Variants in RIPOR2 observed in about 807,000 individuals in gnomAD.
The protein encoded by RIPOR2 is RHO family interacting cell polarization regulator 2.
RIPOR2 carries 39 observed loss-of-function variants against 114.5 expected under a neutral mutation model. The ratio of observed to expected loss-of-function variants is 0.34; its 90% CI spans 0.26 to 0.44. The LOEUF (loss-of-function observed/expected upper bound fraction) is 0.44. Among genes scored for constraint, RIPOR2 ranks in the 20% least tolerant of loss-of-function variants. The pLI is 1.00. For synonymous variants in RIPOR2, 445 were observed against 484.4 expected (o/e 0.92, Z 1.07); for missense variants, 1,007 against 1,255.1 (o/e 0.80, Z 2.99).
chr6:24,843,025 T>C lies in RIPOR2; in HGVS notation c.1694A>G (p.Glu565Gly). 1.2e-6 allele frequency: 2 copies of C among 1,608,144 alleles called. No homozygotes were observed. Among genetic ancestry groups the C allele is most frequent in the Non-Finnish European group, 1.7e-6 (2 of 1,175,682 alleles). ...TTCAGATTCTCCACCAACAGAACCC[T>C]CAGAGAGCAGCCTGTCTGTGGCCAT... The part of the protein sequence containing the change: ...VPMATDRLLS[E>G]GSVGGESEGC... Residue 565 changes from glutamate to glycine, a missense_variant, in exon 13 of 22, where the codon GAG (glutamate) becomes GGG (glycine). Glu to Gly is a moderately conservative substitution (Grantham distance 98). Coordinates refer to ENST00000643898, the MANE Select transcript of RIPOR2 (RefSeq NM_001286445.3).
chr6:24,880,982 G>A (rs958681939), intron 1 of RIPOR2, among the ~76,000 whole-genome samples: 8 of 152,188 alleles, frequency 5.3e-5, no homozygotes, highest in Non-Finnish European at 1.0e-4. Flanking sequence ...AGTGGCTCAC[G>A]CCTGTAATCC....
intron 1 of RIPOR2, chr6:25,023,429 T>G: frequency 1.3e-6 from 1 of 767,172 alleles, no homozygotes; most frequent in South Asian, 1.3e-5. Context: ...CACCCGGCCC[T>G]TGAGGACGGA....
chr6:24,837,274 C>A (rs1277895158), intron 14 of RIPOR2, among the ~76,000 whole-genome samples: 1 of 152,088 alleles, frequency 6.6e-6, no homozygotes, highest in Non-Finnish European at 1.5e-5. Flanking sequence ...AGGCGTACAC[C>A]ACCATGCCTG....
chr6:24,915,471 C>A (rs1415961811), intron 1 of RIPOR2, among the ~76,000 whole-genome samples: 5 of 152,084 alleles, frequency 3.3e-5, no homozygotes, highest in Non-Finnish European at 7.4e-5. Flanking sequence ...TCTCCTGCCT[C>A]ACCTTCCCAA....
chr6:24,976,690 C>T (rs538490074), intron 1 of RIPOR2: 103 of 1,607,696 alleles, frequency 6.4e-5, no homozygotes, highest in African/African-American at 2.0e-4. Flanking sequence ...TGACTTCACA[C>T]GCCATAATGG....
chr6:24,979,660 C>T (rs1381379088), intron 1 of RIPOR2, among the ~76,000 whole-genome samples: 1 of 152,130 alleles, frequency 6.6e-6, no homozygotes, highest in Non-Finnish European at 1.5e-5. Flanking sequence ...CATGTTGGGA[C>T]CCAGAGCCAA....
intron 1 of RIPOR2, among the ~76,000 whole-genome samples, chr6:24,905,623 A>G (rs1463129590): frequency 6.6e-6 from 1 of 152,258 alleles, no homozygotes; most frequent in Non-Finnish European, 1.5e-5. Flanking sequence ...GCCAAAGCCA[A>G]GTCATTCCAG....
chr6:24,839,168 C>T lies in RIPOR2; in HGVS notation c.1962G>A (p.Glu654=). The T allele has an allele frequency of 1.9e-6, 3 of 1,551,754 alleles. No individual in the cohort carries two copies. In the South Asian group the frequency reaches 3.6e-5, roughly 18 times the overall value. Residue 654 remains glutamate (E), a synonymous_variant, in exon 14 of 22, where the codon GAG becomes GAA. Coordinates refer to ENST00000643898, the MANE Select transcript of RIPOR2 (RefSeq NM_001286445.3). ...CATTACAAACCTCATCACCATCCTC[C>T]TCCTCGTCAAAATCAGAGGTGTTCA... ...DFLNTSDFDE[E]EDGDEVCNVG...
In RIPOR2 at chr6:25,037,901, C is replaced by T. The variant is rs1177201306; in HGVS notation, c.76+3950G>A. On this transcript the variant is annotated intron_variant, in intron 1 of 13. Transcript: ENST00000510784. This position sits in a 1 kb window ranked among gnomAD's most constrained non-coding sequence, Gnocchi z 4.5. ...TCACCTGGGGAGATTTGAATATGGTCCGGGTATTAAATAATATGTGGGGAT... is the reference window on the plus strand; with the variant it reads ...TCACCTGGGGAGATTTGAATATGGTTCGGGTATTAAATAATATGTGGGGAT... 6.6e-6 allele frequency among the ~76,000 whole-genome samples: 1 copy of T among 152,020 alleles called. No homozygotes were observed. Among genetic ancestry groups the T allele is most frequent in the African/African-American group, 2.4e-5 (1 of 41,374 alleles).
At chr6:24,983,375 T>C (rs1774384731) in intron 1 of RIPOR2, among the ~76,000 whole-genome samples, 1 of 152,162 alleles carries the variant, frequency 6.6e-6, no homozygotes, top group Admixed American at 6.5e-5. Context: ...GCAAGTATCA[T>C]ACAAGCTTTG....
Position 25,040,670 on chromosome 6 carries a change from G to A in RIPOR2, c.76+1181C>T, listed in dbSNP as rs538149395. Among the ~76,000 whole-genome samples the A allele has an allele frequency of 4.8e-4, 70 of 144,636 alleles. 2 individuals are homozygous for A. Among genetic ancestry groups the A allele is most frequent in the African/African-American group, 1.7e-3 (67 of 39,144 alleles). 94.9% of individuals were successfully genotyped at this position (144,636 alleles called of 152,430 possible). On this transcript the variant is annotated intron_variant, in intron 1 of 13. Transcript: ENST00000510784. Reference sequence around the variant, plus strand: ...TGCAATGGCACGATCTCAGCTCACCGCAACCTCCACCTCCTGGGTTCAAGT... The same window carrying A: ...TGCAATGGCACGATCTCAGCTCACCACAACCTCCACCTCCTGGGTTCAAGT...
chr6:24,917,070 A>G (rs943950250), intron 1 of RIPOR2, among the ~76,000 whole-genome samples: 4 of 152,198 alleles, frequency 2.6e-5, no homozygotes, highest in African/African-American at 9.6e-5. Flanking sequence ...ATTATATTAC[A>G]TATTTACATA....
At chr6:25,041,702 G>C in intron 1 of RIPOR2, 1 of 590,328 alleles carries the variant, frequency 1.7e-6, no homozygotes, top group Non-Finnish European at 3.0e-6. Context: ...AAATACCAAA[G>C]TCCATTGGAA....
chr6:24,837,420 T>C (rs1410525940), intron 14 of RIPOR2, among the ~76,000 whole-genome samples: 1 of 150,122 alleles, frequency 6.7e-6, no homozygotes, highest in East Asian at 2.0e-4. Flanking sequence ...ACTCCCGGCC[T>C]TATTTATTTA....
Position 24,976,685 on chromosome 6 carries a change from TCA to T in RIPOR2, c.76+65164_76+65165del, listed in dbSNP as rs1271702407. On this transcript the variant is annotated intron_variant, in intron 1 of 13. Transcript: ENST00000510784. ...GGGTTTATGTGTCAGGGTGGTGACT[TCA>T]CACGCCATAATGGCACTGGTGGCAA... 5 of 1,607,570 alleles carry T rather than the reference TCA, an allele frequency of 3.1e-6. No individual in the cohort carries two copies. The African/African-American group carries it at 4.0e-5, about 13-fold the overall frequency.
intron 19 of RIPOR2, among the ~76,000 whole-genome samples, chr6:24,824,901 G>A (rs551992885): frequency 2.2e-4 from 34 of 152,160 alleles, no homozygotes; most frequent in Admixed American, 1.8e-3. Flanking sequence ...ATGTTCTATC[G>A]AGGAAAGAAA....
intron 14 of RIPOR2, among the ~76,000 whole-genome samples, chr6:24,838,483 C>T (rs1562238509): frequency 6.6e-6 from 1 of 152,106 alleles, no homozygotes; most frequent in African/African-American, 2.4e-5. Context: ...AAGTTGTAGA[C>T]ACTGAACCCT....
intron 8 of RIPOR2, among the ~76,000 whole-genome samples, chr6:24,859,207 C>T (rs763746426): frequency 3.3e-5 from 5 of 152,130 alleles, no homozygotes; most frequent in African/African-American, 4.8e-5. Flanking sequence ...AATAGATGCA[C>T]TTGATAATAC....
chr6:24,810,457 G>C (rs557249691), intron 20 of RIPOR2, among the ~76,000 whole-genome samples: 17 of 152,142 alleles, frequency 1.1e-4, no homozygotes, highest in Non-Finnish European at 1.9e-4. Context: ...AAATAGAGGA[G>C]GAGGTAAAGG....
Sources: gnomAD v4.1 joint callset for allele counts (sites outside exome capture counted in the v4.1 genomes callset) on GRCh38, gnomAD v4.1.1 for gene constraint, Gnocchi (gnomAD v3.1) non-coding constraint, MANE v1.5 for transcripts, NCBI Gene and HGNC (gene_info 2026-07-23, HGNC 2026-07-21) for gene names.